Variants in THAP3 observed in about 807,000 individuals in gnomAD.
THAP3 encodes THAP domain containing 3, also known as THAP domain-containing protein 3.
Under a neutral mutation model 17.7 loss-of-function variants are expected in THAP3, and 12 were observed. The observed-to-expected ratio is 0.68, with a 90% CI of 0.43 to 1.10. The LOEUF is 1.10. Among genes scored for constraint, THAP3 ranks in the 50% least tolerant of loss-of-function variants. The pLI is 0.00. For synonymous variants in THAP3, 133 were observed against 126.9 expected (o/e 1.05, Z -0.32); for missense variants, 289 against 318.0 (o/e 0.91, Z 0.69).
chr1:6,633,538 C>G lies in THAP3; in HGVS notation c.*461C>G. ...CCTGTCCCGGCCTGGTGTGAGTGGGCAGTGTAATAAAGTGTCTTTCTATAC... is the reference window on the plus strand; with the variant it reads ...CCTGTCCCGGCCTGGTGTGAGTGGGGAGTGTAATAAAGTGTCTTTCTATAC... On this transcript the variant is annotated 3_prime_UTR_variant, in exon 6 of 6. Transcript: ENST00000054650. The G allele has an allele frequency of 9.2e-7, 1 of 1,092,478 alleles. No individual in the cohort carries two copies. The allele number at this position is 1,092,478 out of a possible 1,614,324, so 67.7% of individuals were successfully genotyped here.
At chr1:6,628,277 T>G in intron 2 of THAP3, 1 of 508,890 alleles carries the variant, frequency 2.0e-6, no homozygotes, top group Non-Finnish European at 3.4e-6. Context: ...AGCAGCTCAC[T>G]TGGGCTCTCT....
At chr1:6,627,321 A>G (rs1233229392) in intron 2 of THAP3, among the ~76,000 whole-genome samples, 1 of 152,208 alleles carries the variant, frequency 6.6e-6, no homozygotes, top group South Asian at 2.1e-4. Context: ...ACCCCAGCAC[A>G]TGGAGAGCCT....
chr1:6,628,349 C>T (rs1247004787), intron 2 of THAP3, 150 bp from the exon 3 acceptor site: 1 of 664,882 alleles, frequency 1.5e-6, no homozygotes, highest in Non-Finnish European at 2.4e-6. Flanking sequence ...ACAGAAGCTT[C>T]CAGAAATTAG....
At chr1:6,634,878 G>C (rs1357252314), downstream of THAP3, 3 of 1,209,448 alleles carry the variant, frequency 2.5e-6, no homozygotes, top group Non-Finnish European at 3.2e-6. Flanking sequence ...CTCTTGAGCT[G>C]CCCTTGCCCA....
At chr1:6,632,710 G>T in intron 5 of THAP3, 86 bp from the exon 6 acceptor site, 1 of 1,541,110 alleles carries the variant, frequency 6.5e-7, no homozygotes, top group Non-Finnish European at 8.9e-7. Context: ...CTGGGGTTGT[G>T]CTGTGTGCGT....
At chr1:6,631,419 G>C (rs1641610843) in intron 4 of THAP3, among the ~76,000 whole-genome samples, 1 of 152,164 alleles carries the variant, frequency 6.6e-6, no homozygotes, top group African/African-American at 2.4e-5. Flanking sequence ...CTTGAGGCTA[G>C]GAGTTTGAGA....
chr1:6,625,366 G>T lies in THAP3; in HGVS notation c.74+74G>T, dbSNP rs964028629. ...CGGACCGACTCCGAGGCCTTGGCGC[G>T]CCGGGCGGGAGGCCCAAAGGCGTGC... On this transcript the variant is annotated intron_variant, in intron 2 of 5. Coordinates refer to ENST00000054650, the MANE Select transcript of THAP3 (RefSeq NM_001195753.2). 24 of 1,400,482 alleles carry T rather than the reference G, an allele frequency of 1.7e-5. No individual in the cohort carries two copies. In the African/African-American group the frequency reaches 3.2e-4, roughly 19 times the overall value. The allele number at this position is 1,400,482 out of a possible 1,614,324, so 86.8% of individuals were successfully genotyped here. A position where few individuals can be genotyped will look rare whatever the true frequency, so the allele number is the denominator to read the frequency against.
At chr1:6,635,394 G>T, downstream of THAP3, 1 of 409,514 alleles carries the variant, frequency 2.4e-6, no homozygotes, top group Non-Finnish European at 4.4e-6. Context: ...GGACACAGCG[G>T]AGTCAGGGCC....
chr1:6,625,126 C>T, intron 1 of THAP3, 24 bp from the exon 2 acceptor site: 2 of 1,386,816 alleles, frequency 1.4e-6, no homozygotes, highest in Non-Finnish European at 1.9e-6. Flanking sequence ...CACCACCTCC[C>T]AGCGGCCCCG....
Position 6,631,702 on chromosome 1 carries a change from C to T in THAP3, c.334-689C>T, listed in dbSNP as rs370975252. On this transcript the variant is annotated intron_variant, in intron 4 of 5. Coordinates refer to ENST00000054650, the MANE Select transcript of THAP3 (RefSeq NM_001195753.2). ...GGTGGATTGCCTGAGGTCAGGAGTT[C>T]GAGACCAGCCTGGCGAAACCCCGTC... 3.0e-4 allele frequency among the ~76,000 whole-genome samples: 46 copies of T among 151,646 alleles called. 1 individual carries two copies. The East Asian group carries it at 6.8e-3, about 22-fold the overall frequency.
Position 6,628,699 on chromosome 1 carries a change from G to A in THAP3, c.267+8G>A. ...TTTCAGGACCCCACACAGGTAGGAG[G>A]GCACTGCACCTTCCGTCTGGTCACA... is the stretch of plus-strand genomic sequence containing the variant. On this transcript the variant is annotated splice_region_variant and intron_variant, in intron 3 of 5. Transcript: ENST00000054650. 6.2e-7 allele frequency: 1 copy of A among 1,609,712 alleles called. No homozygotes were observed. Among genetic ancestry groups the A allele is most frequent in the South Asian group, 1.1e-5 (1 of 90,574 alleles).
chr1:6,631,567 G>A (rs1248928348), intron 4 of THAP3, among the ~76,000 whole-genome samples: 8 of 152,090 alleles, frequency 5.3e-5, no homozygotes. Context: ...TTAGGAGTTC[G>A]AAACCAGCCT....
At chr1:6,633,947 A>G, downstream of THAP3, 3 of 1,401,474 alleles carry the variant, frequency 2.1e-6, no homozygotes, top group Non-Finnish European at 3.0e-6. Context: ...ATTTTGTCTA[A>G]TTTATAGCTT....
chr1:6,625,390 G>C, intron 2 of THAP3, 98 bp downstream of exon 2: 1 of 1,149,166 alleles, frequency 8.7e-7, no homozygotes, highest in Non-Finnish European at 1.1e-6. Flanking sequence ...CCAAAGGCGT[G>C]CGGCCGCTGG....
downstream of THAP3, chr1:6,635,386 A>G (rs574927742): frequency 1.0e-5 from 4 of 388,388 alleles, no homozygotes; most frequent in East Asian, 1.9e-4. Flanking sequence ...TGTGCTCGGG[A>G]CACAGCGGAG....
Position 6,632,932 on chromosome 1 carries a change from T to G in THAP3, c.575T>G (p.Leu192Arg). ...LLDLDSLKKKLFLTLKENEKL... is the reference protein window; with the variant it reads ...LLDLDSLKKKRFLTLKENEKL... ...GACTTAGATTCCCTGAAGAAAAAACTCTTCCTCACTCTGAAGGAAAATGAA... is the reference window on the plus strand; with the variant it reads ...GACTTAGATTCCCTGAAGAAAAAACGCTTCCTCACTCTGAAGGAAAATGAA... Residue 192 changes from leucine (L) to arginine (R), a missense_variant, in exon 6 of 6, where the codon CTC becomes CGC. Coordinates refer to ENST00000054650, the MANE Select transcript of THAP3 (RefSeq NM_001195753.2). 1.2e-6 allele frequency: 2 copies of G among 1,612,888 alleles called. No individual in the cohort carries two copies. Among genetic ancestry groups the G allele is most frequent in the Non-Finnish European group, 1.7e-6 (2 of 1,179,878 alleles).
At chr1:6,635,007 C>T (rs1435070369), downstream of THAP3, 2 of 552,970 alleles carry the variant, frequency 3.6e-6, no homozygotes, top group African/African-American at 2.0e-5. Context: ...CAGGGCTAGG[C>T]CCTGGGATCG....
chr1:6,631,438 G>T (rs1641611169), intron 4 of THAP3, among the ~76,000 whole-genome samples: 1 of 152,148 alleles, frequency 6.6e-6, no homozygotes, highest in African/African-American at 2.4e-5. Flanking sequence ...GACCAGCCTG[G>T]CCAACATAGT....
Position 6,630,274 on chromosome 1 carries a change from T to TGAC in THAP3, c.268-13_268-12insACG. ...TCTTGGGGTCTGCATCCACTCTGTG[T>TGAC]GTGTCTCTTGTAGCAGGTGAGGGAG... is the stretch of plus-strand genomic sequence containing the variant. On this transcript the variant is annotated splice_polypyrimidine_tract_variant and intron_variant, in intron 3 of 5. Coordinates refer to ENST00000054650, the MANE Select transcript of THAP3 (RefSeq NM_001195753.2). 1 of 1,613,824 alleles carries TGAC rather than the reference T, an allele frequency of 6.2e-7. No individual in the cohort carries two copies. The highest frequency in any genetic ancestry group is 8.5e-7 in the Non-Finnish European group (1 of 1,179,740).
Sources: gnomAD v4.1 joint callset for allele counts (sites outside exome capture counted in the v4.1 genomes callset) on GRCh38, gnomAD v4.1.1 for gene constraint, MANE v1.5 for transcripts, NCBI Gene and HGNC (gene_info 2026-07-23, HGNC 2026-07-21) for gene names.